Variants in CCDC141 observed in about 807,000 individuals in gnomAD.
CCDC141 encodes coiled-coil domain containing 141.
CCDC141 carries 168 observed loss-of-function variants against 181.0 expected under a neutral mutation model. That is an observed-to-expected ratio of 0.93 (90% CI 0.82 to 1.05). CCDC141 has a LOEUF of 1.05. Ranked by LOEUF, CCDC141 falls within the 50% of genes least tolerant of loss-of-function variation. The pLI is 0.00. For synonymous variants in CCDC141, 666 were observed against 642.3 expected, an observed-to-expected ratio of 1.04 and a Z score of -0.56; for missense variants, 1,902 against 1,788.5, an observed-to-expected ratio of 1.06 and a Z score of -1.14.
intron 5 of CCDC141, among the ~76,000 whole-genome samples, chr2:178,954,315 A>G (rs1388314920): frequency 2.0e-5 from 3 of 152,246 alleles, no homozygotes; most frequent in Non-Finnish European, 4.4e-5. Context: ...GCAAAATAAG[A>G]TGCTGCTGGA....
chr2:178,870,864 G>T (rs1044844015), intron 14 of CCDC141, among the ~76,000 whole-genome samples: 1 of 152,180 alleles, frequency 6.6e-6, no homozygotes, highest in Non-Finnish European at 1.5e-5. Context: ...GAGGCAGGAG[G>T]TGGGGAAATA....
At chr2:178,963,872 G>A (rs1690509371) in intron 4 of CCDC141, among the ~76,000 whole-genome samples, 2 of 150,232 alleles carry the variant, frequency 1.3e-5, no homozygotes, top group Non-Finnish European at 3.0e-5. Flanking sequence ...GTAAAGAAAC[G>A]AATGACAAAA....
rs560621248 is a variant in CCDC141 at position 179,038,055 on chromosome 2, G to A, written c.225+9229C>T. On this transcript the variant is annotated intron_variant, in intron 2 of 23. Coordinates refer to ENST00000443758, the MANE Select transcript of CCDC141 (RefSeq NM_173648.4). ...AAAACAGATACTCAAACAGATACTC[G>A]TACACCAATGTTCATTGTAGCAGCA... is the stretch of plus-strand genomic sequence containing the variant. Among the ~76,000 whole-genome samples, 15 of 152,082 alleles carry A rather than the reference G, an allele frequency of 9.9e-5. 1 individual carries two copies. In the East Asian group the frequency reaches 1.9e-3, roughly 19 times the overall value.
chr2:178,815,942 G>T, the CCDC141 span, among the ~76,000 whole-genome samples: 21 of 152,096 alleles, frequency 1.4e-4, no homozygotes, highest in Non-Finnish European at 2.8e-4. Context: ...TGTTGTAAGA[G>T]TATATGTAAG....
At chr2:178,965,748 T>A (rs988030575) in intron 4 of CCDC141, among the ~76,000 whole-genome samples, 9 of 152,088 alleles carry the variant, frequency 5.9e-5, no homozygotes, top group Admixed American at 2.6e-4. Context: ...CCAGGGCACC[T>A]GGAACACCAG....
intron 22 of CCDC141, among the ~76,000 whole-genome samples, chr2:178,841,515 A>G (rs1364713246): frequency 6.6e-6 from 1 of 152,262 alleles, no homozygotes; most frequent in Non-Finnish European, 1.5e-5. Flanking sequence ...AATGCATTAA[A>G]TTATCACAGG....
Position 178,882,293 on chromosome 2 carries a change from T to C in CCDC141, c.1719+2608A>G, listed in dbSNP as rs146268970. 4.9e-3 allele frequency among the ~76,000 whole-genome samples: 741 copies of C among 152,002 alleles called. 7 individuals are homozygous for C. Among genetic ancestry groups the C allele is most frequent in the African/African-American group, 0.017 (697 of 41,472 alleles). On this transcript the variant is annotated intron_variant, in intron 11 of 23. Coordinates refer to ENST00000443758, the MANE Select transcript of CCDC141 (RefSeq NM_173648.4). ...CTGAGGCAGGAGAATCACTTGAACCTGGAAGGTAGAGGTTGCAGTGAGCCA... is the reference window on the plus strand; with the variant it reads ...CTGAGGCAGGAGAATCACTTGAACCCGGAAGGTAGAGGTTGCAGTGAGCCA...
At chr2:178,838,756 T>A (rs1007954932) in intron 22 of CCDC141, among the ~76,000 whole-genome samples, 1 of 152,176 alleles carries the variant, frequency 6.6e-6, no homozygotes, top group African/African-American at 2.4e-5. Flanking sequence ...ACCTGCCACT[T>A]GTCTCTGCTC....
intron 2 of CCDC141, among the ~76,000 whole-genome samples, chr2:178,981,619 AT>A (rs1691397168): frequency 1.2e-5 from 1 of 80,162 alleles, no homozygotes; most frequent in Non-Finnish European, 2.3e-5. Context: ...AATTTGTAGC[AT>A]TGAATGTGTG....
At chr2:178,944,224 T>A (rs1689635560) in intron 6 of CCDC141, among the ~76,000 whole-genome samples, 1 of 152,198 alleles carries the variant, frequency 6.6e-6, no homozygotes, top group African/African-American at 2.4e-5. Context: ...GAGAAAATAA[T>A]ACCTCCCCCT....
chr2:178,943,467 A>G (rs533779002), intron 6 of CCDC141, among the ~76,000 whole-genome samples: 184 of 152,228 alleles, frequency 1.2e-3, no homozygotes, highest in African/African-American at 4.3e-3. Context: ...AAATAAATGC[A>G]ATCTACTGCC....
intron 2 of CCDC141, among the ~76,000 whole-genome samples, chr2:179,017,503 A>T (rs553928246): frequency 6.6e-6 from 1 of 152,208 alleles, no homozygotes; most frequent in Non-Finnish European, 1.5e-5. Flanking sequence ...CCCCTGTTTT[A>T]AAGAGTAATA....
intron 2 of CCDC141, among the ~76,000 whole-genome samples, chr2:178,990,215 T>C (rs189339102): frequency 1.3e-5 from 2 of 149,554 alleles, no homozygotes; most frequent in African/African-American, 4.9e-5. Flanking sequence ...TTGGAATCCA[T>C]GTACATAGCT....
At chr2:178,900,308 T>C (rs1031141132) in intron 8 of CCDC141, among the ~76,000 whole-genome samples, 6 of 151,922 alleles carry the variant, frequency 3.9e-5, no homozygotes, top group Admixed American at 1.3e-4. Context: ...ACAATAATTA[T>C]GTAAAAATTA....
chr2:178,953,903 G>C (rs1053245966), intron 5 of CCDC141, among the ~76,000 whole-genome samples: 1 of 152,118 alleles, frequency 6.6e-6, no homozygotes, highest in African/African-American at 2.4e-5. Context: ...GTGCCCAGAG[G>C]CTATGCTCAT....
chr2:178,903,889 G>A (rs1216915743), intron 8 of CCDC141, among the ~76,000 whole-genome samples: 2 of 152,032 alleles, frequency 1.3e-5, no homozygotes, highest in African/African-American at 2.4e-5. Flanking sequence ...GTTAAACTGT[G>A]ACTGGACCAT....
At chr2:179,021,658 A>G (rs1034235947) in intron 2 of CCDC141, among the ~76,000 whole-genome samples, 3 of 152,212 alleles carry the variant, frequency 2.0e-5, no homozygotes, top group African/African-American at 7.2e-5. Flanking sequence ...ACAGAAAGAG[A>G]CAAAATTATG....
intron 7 of CCDC141, among the ~76,000 whole-genome samples, chr2:178,908,383 T>A (rs921970465): frequency 3.3e-5 from 5 of 152,026 alleles, no homozygotes; most frequent in Non-Finnish European, 7.4e-5. Flanking sequence ...TTAGTAGAGA[T>A]GGGTTTCATC....
chr2:178,990,778 T>G (rs571997497), intron 2 of CCDC141, among the ~76,000 whole-genome samples: 143 of 152,170 alleles, frequency 9.4e-4, no homozygotes, highest in African/African-American at 3.4e-3. Context: ...AAGAGCAGAA[T>G]GGTGCTTGCC....
Sources: allele counts gnomAD v4.1 joint callset (sites outside exome capture counted in the v4.1 genomes callset), GRCh38; gene constraint gnomAD v4.1.1; transcripts MANE v1.5; gene names NCBI Gene and HGNC (gene_info 2026-07-23, HGNC 2026-07-21).